PCYOX1: variants seen among roughly 807,000 people sequenced by gnomAD.
The protein encoded by PCYOX1 is prenylcysteine lyase.
PCYOX1 carries 46 observed loss-of-function variants against 46.4 expected under a neutral mutation model. The ratio of observed to expected loss-of-function variants is 0.99; its 90% CI spans 0.78 to 1.27. PCYOX1 has a LOEUF of 1.27. Ranked by LOEUF, PCYOX1 falls within the 50% of genes most tolerant of loss-of-function variation. The pLI, the probability that PCYOX1 is intolerant of heterozygous loss-of-function variation, is 0.00. For synonymous variants in PCYOX1, 220 were observed against 231.8 expected (o/e 0.95, Z 0.46); for missense variants, 658 against 628.3 (o/e 1.05, Z -0.51).
chr2:70,258,060 G>C, upstream of PCYOX1: 2 of 886,994 alleles, frequency 2.3e-6, no homozygotes, highest in Non-Finnish European at 3.2e-6. Flanking sequence ...GGCGGGGCTC[G>C]CAGGGGCTGG....
Position 70,276,899 on chromosome 2 carries a change from A to G in PCYOX1, c.1025A>G (p.His342Arg). 1 of 1,613,006 alleles carries G rather than the reference A, an allele frequency of 6.2e-7. No homozygotes were observed. Among genetic ancestry groups the G allele is most frequent in the Middle Eastern group, 1.6e-4 (1 of 6,062 alleles). The change falls in exon 6 of 6, where the codon CAT (histidine) becomes CGT (arginine). Residue 342 changes from histidine (H) to arginine (R), a missense_variant. Transcript: ENST00000433351. ...PIEEFHQYYQ[H>R]IVTTLVKGEL... ...GAGGAATTCCATCAATATTATCAAC[A>G]TATAGTGACAACTTTAGTTAAGGGG...
intron 3 of PCYOX1, among the ~76,000 whole-genome samples, chr2:70,267,061 C>T (rs1002165529): frequency 3.3e-5 from 5 of 151,610 alleles, no homozygotes; most frequent in African/African-American, 1.2e-4. Flanking sequence ...AGGGGCTCCT[C>T]ACTTCTCAGA....
chr2:70,261,387 G>A lies in PCYOX1; in HGVS notation c.494+1G>A, dbSNP rs749226510. On this transcript the variant is annotated splice_donor_variant, in intron 3 of 5. Coordinates refer to ENST00000433351, the MANE Select transcript of PCYOX1 (RefSeq NM_016297.4). LOFTEE classifies it high-confidence loss of function. ...AGGACGTGTTAGACAAGTTCATGAG[G>A]TAATTTTTTTTCCTTCCATTTAACC... 1.3e-6 allele frequency: 2 copies of A among 1,595,616 alleles called. No homozygotes were observed. Among genetic ancestry groups the A allele is most frequent in the Admixed American group, 1.7e-5 (1 of 57,952 alleles).
rs1324863749 is a variant in PCYOX1 at position 70,259,426 on chromosome 2, A to T, written c.179A>T (p.Asp60Val). The part of the protein sequence containing the change: ...AYYLRQKFGK[D>V]VKIDLFEREE... ...TACCTGCGGCAGAAATTTGGGAAAG[A>T]TGTGAAGATAGACCTGTTTGAAAGA... Residue 60 changes from aspartate (D) to valine (V), a missense_variant, in exon 2 of 6, where the codon GAT (aspartate) becomes GTT (valine). Transcript: ENST00000433351. 6.2e-7 allele frequency: 1 copy of T among 1,614,148 alleles called. No individual in the cohort carries two copies. The highest frequency in any genetic ancestry group is 8.5e-7 in the Non-Finnish European group (1 of 1,180,024).
At chr2:70,271,158 G>T (rs1239532579) in intron 3 of PCYOX1, among the ~76,000 whole-genome samples, 1 of 151,952 alleles carries the variant, frequency 6.6e-6, no homozygotes, top group Admixed American at 6.6e-5. Context: ...GCCTCAACCA[G>T]CGGGGCTGAA....
chr2:70,276,127 C>T (rs528848084), intron 5 of PCYOX1, among the ~76,000 whole-genome samples: 11 of 151,158 alleles, frequency 7.3e-5, no homozygotes, highest in Non-Finnish European at 1.2e-4. Context: ...AAAAAATTCC[C>T]CAGTGTAGTT....
In PCYOX1 at chr2:70,275,635, C is replaced by G; in HGVS notation, c.828C>G (p.Tyr276Ter). The G allele has an allele frequency of 6.2e-7, 1 of 1,614,076 alleles. No homozygotes were observed. Among genetic ancestry groups the G allele is most frequent in the Non-Finnish European group, 8.5e-7 (1 of 1,179,988 alleles). ...ATCTTATATCTGGCTCAGTAATGTA[C>G]ATCGAGGAGAAAACAAAGACCAAGT... ...KSNLISGSVMYIEEKTKTKYT... is the reference protein window; with the variant it reads ...KSNLISGSVM Residue 276 changes from tyrosine to a stop codon, truncating the protein, a stop_gained, in exon 5 of 6, where the codon TAC becomes TAG. Coordinates refer to ENST00000433351, the MANE Select transcript of PCYOX1 (RefSeq NM_016297.4). LOFTEE classifies it high-confidence loss of function.
Position 70,276,954 on chromosome 2 carries a change from A to G in PCYOX1, c.1080A>G (p.Arg360=), listed in dbSNP as rs1282104933. 5 of 1,612,918 alleles carry G rather than the reference A, an allele frequency of 3.1e-6. No homozygotes were observed. The highest frequency in any genetic ancestry group is 4.2e-6 in the Non-Finnish European group (5 of 1,178,912). Reference sequence around the variant, plus strand: ...TGAATACATCTATCTTTAGCTCTAGACCCATAGATAAATTTGGCCTTAATA... The same window carrying G: ...TGAATACATCTATCTTTAGCTCTAGGCCCATAGATAAATTTGGCCTTAATA... The part of the protein sequence containing the change: ...GELNTSIFSS[R]PIDKFGLNTV... Residue 360 remains arginine, a synonymous_variant, in exon 6 of 6, where the codon AGA becomes AGG. Coordinates refer to ENST00000433351, the MANE Select transcript of PCYOX1 (RefSeq NM_016297.4).
In PCYOX1 at chr2:70,261,200, A is replaced by C. The variant is rs1418388063; in HGVS notation, c.320-12A>C. ...GACACCACTGACTTAGCTGTGCTTT[A>C]TGTTTTTGCAGGTCTCTCTGCTGTT... On this transcript the variant is annotated splice_polypyrimidine_tract_variant and intron_variant, in intron 2 of 5. Coordinates refer to ENST00000433351, the MANE Select transcript of PCYOX1 (RefSeq NM_016297.4). The C allele has an allele frequency of 6.3e-7, 1 of 1,592,222 alleles. No individual in the cohort carries two copies. Among genetic ancestry groups the C allele is most frequent in the Non-Finnish European group, 8.6e-7 (1 of 1,161,598 alleles).
At chr2:70,263,303 C>G (rs1429079773) in intron 3 of PCYOX1, among the ~76,000 whole-genome samples, 1 of 151,698 alleles carries the variant, frequency 6.6e-6, no homozygotes, top group African/African-American at 2.4e-5. Context: ...GGGTTTCTTT[C>G]TTTCTCAACA....
intron 1 of PCYOX1, 22 bp from the exon 2 acceptor site, chr2:70,259,338 C>G (rs764891023): frequency 6.3e-7 from 1 of 1,597,148 alleles, no homozygotes; most frequent in Non-Finnish European, 8.6e-7. Flanking sequence ...AAAATATAAT[C>G]TTCTGTTTTT....
rs558267811 is a variant in PCYOX1 at position 70,270,103 on chromosome 2, T to G, written c.495-4856T>G. 1.1e-3 allele frequency among the ~76,000 whole-genome samples: 172 copies of G among 152,210 alleles called. 2 individuals are homozygous for G. The highest frequency in any genetic ancestry group is 3.9e-3 in the African/African-American group (163 of 41,532). On this transcript the variant is annotated intron_variant, in intron 3 of 5. Transcript: ENST00000433351. Reference sequence around the variant, plus strand: ...TCCATCTCCTGGGTTCAAGCGATTCTCCTGCCTCAGCCTCCTGAATAGCTG... The same window carrying G: ...TCCATCTCCTGGGTTCAAGCGATTCGCCTGCCTCAGCCTCCTGAATAGCTG...
chr2:70,270,657 A>G (rs1397486576), intron 3 of PCYOX1, among the ~76,000 whole-genome samples: 3 of 152,160 alleles, frequency 2.0e-5, no homozygotes, highest in South Asian at 4.1e-4. Flanking sequence ...TCTTTGGTCT[A>G]TATCATCTTC....
intron 3 of PCYOX1, among the ~76,000 whole-genome samples, chr2:70,273,195 T>C (rs1696625655): frequency 6.6e-6 from 1 of 152,138 alleles, no homozygotes; most frequent in Non-Finnish European, 1.5e-5. Context: ...TTTAATTGAC[T>C]GTTATTTTCT....
intron 3 of PCYOX1, among the ~76,000 whole-genome samples, chr2:70,262,093 A>G (rs1015424918): frequency 8.5e-5 from 13 of 152,192 alleles, no homozygotes; most frequent in Admixed American, 7.9e-4. Flanking sequence ...AGACTAACAT[A>G]AAATAGCCAG....
intron 3 of PCYOX1, among the ~76,000 whole-genome samples, chr2:70,263,961 CTTTTT>C (rs768464001): frequency 4.5e-5 from 5 of 112,324 alleles, no homozygotes; most frequent in African/African-American, 1.0e-4. Flanking sequence ...GCCCGGCCCT[CTTTTT>C]TTTTTTTTTT....
chr2:70,260,735 A>G (rs1696423995), intron 2 of PCYOX1, among the ~76,000 whole-genome samples: 1 of 152,152 alleles, frequency 6.6e-6, no homozygotes, highest in Admixed American at 6.5e-5. Flanking sequence ...GTTATCTGAA[A>G]TATCCAGTTT....
At chr2:70,258,127 C>T (rs894163861), upstream of PCYOX1, 8 of 1,498,942 alleles carry the variant, frequency 5.3e-6, no homozygotes, top group Middle Eastern at 2.2e-4. Context: ...GGGAGGACTG[C>T]GGGGCTCTTG....
chr2:70,258,975 A>G (rs901730464), intron 1 of PCYOX1, among the ~76,000 whole-genome samples: 4 of 152,086 alleles, frequency 2.6e-5, no homozygotes, highest in African/African-American at 9.7e-5. Flanking sequence ...GAATCTAGAC[A>G]CAACAAAGCT....
Sources: gnomAD v4.1 joint callset for allele counts (sites outside exome capture counted in the v4.1 genomes callset) on GRCh38, gnomAD v4.1.1 for gene constraint, MANE v1.5 for transcripts, NCBI Gene and HGNC (gene_info 2026-07-23, HGNC 2026-07-21) for gene names.